MYZAP: variants seen among roughly 807,000 people sequenced by gnomAD.
The protein encoded by MYZAP is myocardial zonula adherens protein.
In MYZAP, 66 loss-of-function variants were observed where a neutral mutation model predicts 69.4. The ratio of observed to expected loss-of-function variants is 0.95; its 90% CI spans 0.78 to 1.17. The LOEUF (loss-of-function observed/expected upper bound fraction) is 1.17. Among genes scored for constraint, MYZAP ranks in the 50% most tolerant of loss-of-function variants. The pLI is 0.00. For missense variants in MYZAP, 611 were observed against 556.2 expected (o/e 1.10, Z -0.99); for synonymous variants, 256 against 205.9 (o/e 1.24, Z -2.09).
At chr15:57,595,711 A>G (rs1186909106) in intron 1 of MYZAP, among the ~76,000 whole-genome samples, 11 of 152,150 alleles carry the variant, frequency 7.2e-5, no homozygotes, top group Non-Finnish European at 1.2e-4. Flanking sequence ...CTTGATAATA[A>G]AAGACTGTTG....
intron 2 of MYZAP, among the ~76,000 whole-genome samples, chr15:57,607,525 G>T (rs150870139): frequency 6.6e-6 from 1 of 151,996 alleles, no homozygotes; most frequent in Non-Finnish European, 1.5e-5. Context: ...TGGTACTAAC[G>T]GGGGCCCAAG....
intron 7 of MYZAP, 134 bp from the exon 8 acceptor site, chr15:57,633,479 T>G: frequency 7.7e-7 from 1 of 1,294,670 alleles, no homozygotes; most frequent in African/African-American, 1.5e-5. Flanking sequence ...GTTCATGATC[T>G]GTGAGACACT....
At position 57,668,814 on chromosome 15, in the gene MYZAP, T is replaced by C. The variant is rs2140587379; in HGVS notation, c.1204-6154T>C. Among the ~76,000 whole-genome samples the C allele has an allele frequency of 1.3e-5, 2 of 151,800 alleles. 1 individual carries two copies. Among genetic ancestry groups the C allele is most frequent in the African/African-American group, 4.8e-5 (2 of 41,490 alleles). ...AGTCCTTTGTCAGATGTATGTGCTA[T>C]GAACATTTTCTCCCATCCTGTGACT... On this transcript the variant is annotated intron_variant, in intron 11 of 12. Transcript: ENST00000267853.
At chr15:57,606,642 T>G (rs1206735537) in intron 2 of MYZAP, among the ~76,000 whole-genome samples, 1 of 151,900 alleles carries the variant, frequency 6.6e-6, no homozygotes, top group Non-Finnish European at 1.5e-5. Context: ...GACGAATTAA[T>G]GGGTGCAGCG....
chr15:57,635,609 A>G (rs760905668), intron 8 of MYZAP, among the ~76,000 whole-genome samples: 1 of 152,228 alleles, frequency 6.6e-6, no homozygotes, highest in Non-Finnish European at 1.5e-5. Context: ...CTTTCTCTAA[A>G]TCTTCCTTTC....
chr15:57,639,739 G>A (rs2037031524), intron 10 of MYZAP, among the ~76,000 whole-genome samples, 194 bp downstream of exon 10: 1 of 152,204 alleles, frequency 6.6e-6, no homozygotes, highest in Non-Finnish European at 1.5e-5. Context: ...CCCTAAAAGA[G>A]GGGTTTCCTC....
chr15:57,598,259 C>G (rs548895039), intron 1 of MYZAP, among the ~76,000 whole-genome samples: 25 of 152,244 alleles, frequency 1.6e-4, no homozygotes, highest in African/African-American at 5.5e-4. Context: ...CCCAGGGGCC[C>G]TGAGTTGCCA....
chr15:57,678,079 T>C (rs538282950), intron 12 of MYZAP, among the ~76,000 whole-genome samples: 2 of 138,422 alleles, frequency 1.4e-5, no homozygotes, highest in South Asian at 2.2e-4. Context: ...AAATAAAAAA[T>C]AGGCCAGGCA....
At chr15:57,678,767 T>C (rs901722892) in intron 12 of MYZAP, among the ~76,000 whole-genome samples, 2 of 152,096 alleles carry the variant, frequency 1.3e-5, no homozygotes, top group Non-Finnish European at 2.9e-5. Flanking sequence ...TATTGTAGAA[T>C]AGCATGGCCT....
At chr15:57,617,432 A>G (rs1279182889) in intron 2 of MYZAP, among the ~76,000 whole-genome samples, 4 of 152,188 alleles carry the variant, frequency 2.6e-5, no homozygotes, top group Admixed American at 2.6e-4. Context: ...AACTGAAGGA[A>G]TTAAGAACCA....
chr15:57,639,623 C>A, intron 10 of MYZAP, 78 bp downstream of exon 10: 1 of 1,505,036 alleles, frequency 6.6e-7, no homozygotes, highest in Non-Finnish European at 9.0e-7. Flanking sequence ...GTCTGCCTTG[C>A]CCCTCCATTT....
intron 8 of MYZAP, among the ~76,000 whole-genome samples, chr15:57,634,723 G>GT (rs2036712688): frequency 6.6e-6 from 1 of 152,342 alleles, no homozygotes; most frequent in East Asian, 1.9e-4. Flanking sequence ...TGGGTGCTTC[G>GT]TTTTAGCTCT....
intron 1 of MYZAP, among the ~76,000 whole-genome samples, chr15:57,601,274 T>TTGTG (rs10679285): frequency 0.022 from 3,239 of 148,292 alleles, 80 homozygotes; most frequent in African/African-American, 0.059. Flanking sequence ...GTGTGCACAC[T>TTGTG]TGTGTGTGTG....
In MYZAP at chr15:57,592,172, G is replaced by A. The variant is rs2033717101; in HGVS notation, c.75+63G>A. 4.3e-5 allele frequency: 54 copies of A among 1,247,370 alleles called. 2 individuals carry two copies. In the Middle Eastern group the frequency reaches 1.2e-3, roughly 29 times the overall value. The allele number at this position is 1,247,370 out of a possible 1,614,324, so 77.3% of individuals were successfully genotyped here. A position where few individuals can be genotyped will look rare whatever the true frequency, so the allele number is the denominator to read the frequency against. On this transcript the variant is annotated intron_variant, in intron 1 of 12. Coordinates refer to ENST00000267853, the MANE Select transcript of MYZAP (RefSeq NM_001018100.5). ...CCCCATCCCGGCCGCCCCCTCTAGAGGGGACTAGGGATGGGAAAGCTCGGG... is the reference window on the plus strand; with the variant it reads ...CCCCATCCCGGCCGCCCCCTCTAGAAGGGACTAGGGATGGGAAAGCTCGGG...
At chr15:57,650,302 G>C (rs1225684321) in intron 10 of MYZAP, among the ~76,000 whole-genome samples, 2 of 152,158 alleles carry the variant, frequency 1.3e-5, no homozygotes, top group Non-Finnish European at 2.9e-5. Flanking sequence ...ATGAGGAGGA[G>C]CCAGGTACAA....
intron 10 of MYZAP, among the ~76,000 whole-genome samples, chr15:57,659,727 G>A (rs1388262405): frequency 1.3e-5 from 2 of 152,030 alleles, no homozygotes; most frequent in African/African-American, 2.4e-5. Flanking sequence ...CTTCAATTCA[G>A]TTTGTTCTCA....
At chr15:57,596,529 G>A (rs572535778) in intron 1 of MYZAP, among the ~76,000 whole-genome samples, 1 of 152,306 alleles carries the variant, frequency 6.6e-6, no homozygotes, top group East Asian at 1.9e-4. Flanking sequence ...TCTTTGGTGA[G>A]TGATAGTTCC....
At chr15:57,604,174 G>A in intron 1 of MYZAP, 95 bp from the exon 2 acceptor site, 1 of 1,261,860 alleles carries the variant, frequency 7.9e-7, no homozygotes, top group Non-Finnish European at 1.1e-6. Flanking sequence ...CCCAATGGAA[G>A]TAGGGGAAAT....
chr15:57,641,013 A>G (rs2037121597), intron 10 of MYZAP, among the ~76,000 whole-genome samples: 1 of 152,168 alleles, frequency 6.6e-6, no homozygotes, highest in African/African-American at 2.4e-5. Flanking sequence ...GTCGGGGCAT[A>G]GTTTTTCTGC....
Sources: allele counts gnomAD v4.1 joint callset (sites outside exome capture counted in the v4.1 genomes callset), GRCh38; gene constraint gnomAD v4.1.1; transcripts MANE v1.5; gene names NCBI Gene and HGNC (gene_info 2026-07-23, HGNC 2026-07-21).